The following EYA2 variants were observed in gnomAD, a reference collection of about 807,000 sequenced individuals.
EYA2 encodes protein phosphatase EYA2.
In EYA2, 31 loss-of-function variants were observed where a neutral mutation model predicts 69.2. The observed-to-expected ratio is 0.45, with a 90% CI of 0.34 to 0.60. The LOEUF is 0.60. Among genes scored for constraint, EYA2 ranks in the 20% least tolerant of loss-of-function variants. The pLI is 0.02. For missense variants in EYA2, 622 were observed against 701.2 expected (o/e 0.89, Z 1.28); for synonymous variants, 257 against 279.4 (o/e 0.92, Z 0.80).
chr20:46,929,909 T>C (rs1985593289), intron 1 of EYA2, among the ~76,000 whole-genome samples: 1 of 152,210 alleles, frequency 6.6e-6, no homozygotes, highest in South Asian at 2.1e-4. Context: ...ACTTAGGTGT[T>C]CAAATGCTCT....
At chr20:47,025,594 T>C (rs1260626674) in intron 5 of EYA2, among the ~76,000 whole-genome samples, 1 of 152,240 alleles carries the variant, frequency 6.6e-6, no homozygotes, top group Non-Finnish European at 1.5e-5. Context: ...TTGGCCTGTT[T>C]CTACTCTTTT....
At position 47,001,799 on chromosome 20, in the gene EYA2, T is replaced by TTA. The variant is rs558619316; in HGVS notation, c.155+327_155+328insAT. On this transcript the variant is annotated intron_variant, in intron 3 of 15. Transcript: ENST00000327619. ...TCTTCTCTTCATTCTTTTTTTTTTT[T>TTA]TTATTCTTTTCTTTCTCCCCTTCCT... Among the ~76,000 whole-genome samples the TTA allele has an allele frequency of 5.3e-5, 8 of 150,934 alleles. No homozygotes were observed. The South Asian group carries it at 6.3e-4, about 12-fold the overall frequency.
At chr20:47,100,882 A>G (rs2032404698) in intron 9 of EYA2, among the ~76,000 whole-genome samples, 1 of 152,256 alleles carries the variant, frequency 6.6e-6, no homozygotes, top group Non-Finnish European at 1.5e-5. Flanking sequence ...AAGCAGTTCA[A>G]GCTGGGGAAA....
chr20:47,141,300 C>G (rs1476669672), intron 9 of EYA2, among the ~76,000 whole-genome samples: 2 of 151,940 alleles, frequency 1.3e-5, no homozygotes, highest in African/African-American at 4.9e-5. Context: ...TTAACCTTGA[C>G]TGCATATTGA....
At chr20:46,916,445 AGT>A (rs1024564215) in intron 1 of EYA2, among the ~76,000 whole-genome samples, 5 of 151,758 alleles carry the variant, frequency 3.3e-5, no homozygotes, top group Non-Finnish European at 7.4e-5. Context: ...TAGGTGCTTA[AGT>A]GTGTGAGTTT....
intron 4 of EYA2, among the ~76,000 whole-genome samples, chr20:47,008,523 C>G (rs1374010538): frequency 6.6e-6 from 1 of 152,230 alleles, no homozygotes; most frequent in Admixed American, 6.5e-5. Context: ...TAAGTTACCC[C>G]GCTTGGCTGA....
At chr20:47,091,649 G>C (rs993461249) in intron 8 of EYA2, among the ~76,000 whole-genome samples, 1 of 150,858 alleles carries the variant, frequency 6.6e-6, no homozygotes, top group African/African-American at 2.4e-5. Context: ...GGGGGCTGAA[G>C]TGGAAGGATC....
At chr20:47,181,293 G>A (rs2228) in intron 14 of EYA2, among the ~76,000 whole-genome samples, 85,038 of 152,034 alleles carry the variant, frequency 0.56, 25,818 homozygotes, top group African/African-American at 0.82. Context: ...CCTGTCCTCA[G>A]AGACATCCAG....
At chr20:46,912,724 C>T (rs973167114) in intron 1 of EYA2, among the ~76,000 whole-genome samples, 3 of 145,330 alleles carry the variant, frequency 2.1e-5, no homozygotes, top group South Asian at 2.2e-4. Flanking sequence ...GACGGAGTCT[C>T]GCTCTGTCGC....
At chr20:47,051,872 G>A (rs1355887062) in intron 5 of EYA2, among the ~76,000 whole-genome samples, 1 of 152,194 alleles carries the variant, frequency 6.6e-6, no homozygotes, top group Non-Finnish European at 1.5e-5. Context: ...CAGAGGATAA[G>A]CTAGGATAAC....
intron 12 of EYA2, among the ~76,000 whole-genome samples, chr20:47,176,644 A>G (rs556357191): frequency 1.3e-5 from 2 of 152,356 alleles, no homozygotes; most frequent in African/African-American, 4.8e-5. Context: ...GCATAAGTAA[A>G]AGAACAACCA....
At chr20:47,070,686 T>A in intron 5 of EYA2, among the ~76,000 whole-genome samples, 1 of 152,180 alleles carries the variant, frequency 6.6e-6, no homozygotes, top group East Asian at 1.9e-4. Context: ...AGTTCCAATT[T>A]TACAAGAAGA....
chr20:46,931,202 C>T (rs1195382846), intron 1 of EYA2, among the ~76,000 whole-genome samples: 1 of 152,190 alleles, frequency 6.6e-6, no homozygotes, highest in Non-Finnish European at 1.5e-5. Context: ...TTGTCAGTAG[C>T]AGGGCTAAGA....
chr20:47,129,542 G>A (rs988006775), intron 9 of EYA2, among the ~76,000 whole-genome samples: 2 of 152,226 alleles, frequency 1.3e-5, no homozygotes, highest in Non-Finnish European at 2.9e-5. Flanking sequence ...GAGCACATGA[G>A]GCCACTAGAA....
chr20:47,094,479 TC>T (rs1427843860), intron 8 of EYA2, among the ~76,000 whole-genome samples: 1 of 152,244 alleles, frequency 6.6e-6, no homozygotes, highest in East Asian at 1.9e-4. Context: ...GCTTCAGAAA[TC>T]CCTGTACTAG....
intron 10 of EYA2, among the ~76,000 whole-genome samples, chr20:47,150,502 C>T (rs926218126): frequency 2.0e-5 from 3 of 150,604 alleles, no homozygotes; most frequent in Admixed American, 6.6e-5. Context: ...GGGTCTTACT[C>T]TGTCACCCAA....
At chr20:46,932,451 C>T (rs1282311507) in intron 1 of EYA2, among the ~76,000 whole-genome samples, 1 of 152,200 alleles carries the variant, frequency 6.6e-6, no homozygotes, top group African/African-American at 2.4e-5. Context: ...TGTGTCCCCA[C>T]CCAAATCTCA....
At chr20:47,013,207 T>G (rs1345764064) in intron 4 of EYA2, among the ~76,000 whole-genome samples, 1 of 152,186 alleles carries the variant, frequency 6.6e-6, no homozygotes, top group East Asian at 1.9e-4. Flanking sequence ...TCCTGGAGCC[T>G]CCAGCCTAAA....
Position 46,932,772 on chromosome 20 carries a change from G to A in EYA2, c.-11+37785G>A, listed in dbSNP as rs1179030202. Reference sequence around the variant, plus strand: ...GTGGTGGCGGGTGCCTGTATTCCTAGCTACGTGGATGGCTGAGGCAGGAGA... The same window carrying A: ...GTGGTGGCGGGTGCCTGTATTCCTAACTACGTGGATGGCTGAGGCAGGAGA... On this transcript the variant is annotated intron_variant, in intron 1 of 15. Coordinates refer to ENST00000327619, the MANE Select transcript of EYA2 (RefSeq NM_005244.5). 2.6e-5 allele frequency among the ~76,000 whole-genome samples: 4 copies of A among 152,148 alleles called. No individual in the cohort carries two copies. The East Asian group carries it at 7.7e-4, about 29-fold the overall frequency.
Sources: allele counts gnomAD v4.1 joint callset (sites outside exome capture counted in the v4.1 genomes callset), GRCh38; gene constraint gnomAD v4.1.1; transcripts MANE v1.5; gene names NCBI Gene and HGNC (gene_info 2026-07-23, HGNC 2026-07-21).